ZNF253: variants seen among roughly 807,000 people sequenced by gnomAD.
ZNF253 encodes zinc finger protein 253, also known as DNA-binding protein.
Under a neutral mutation model 11.9 loss-of-function variants are expected in ZNF253, and 8 were observed. The observed-to-expected ratio is 0.67, with a 90% confidence interval of 0.40 to 1.22. The LOEUF is 1.22. ZNF253 is among the 50% of genes most tolerant of loss of function. ZNF253 has a pLI of 0.01. For synonymous variants in ZNF253, 194 were observed against 194.9 expected, an observed-to-expected ratio of 1.00 and a Z score of 0.04; for missense variants, 485 against 586.9, an observed-to-expected ratio of 0.83 and a Z score of 1.79.
chr19:19,868,160 A>T (rs1599548244), intron 1 of ZNF253, among the ~76,000 whole-genome samples: 1 of 151,852 alleles, frequency 6.6e-6, no homozygotes, highest in Non-Finnish European at 1.5e-5. Flanking sequence ...TTACTCTGTT[A>T]ATAGTTTCCT....
intron 3 of ZNF253, among the ~76,000 whole-genome samples, chr19:19,885,342 CT>C (rs1568499254): frequency 1.4e-4 from 9 of 64,476 alleles, no homozygotes; most frequent in Admixed American, 8.7e-4. Context: ...TTCTTTCTTT[CT>C]TTCTTTCTTT....
At chr19:19,866,126 G>C (rs898408208) in intron 1 of ZNF253, 127 bp downstream of exon 1, 1 of 1,305,684 alleles carries the variant, frequency 7.7e-7, no homozygotes, top group Non-Finnish European at 1.1e-6. Flanking sequence ...TCCCTGCCCA[G>C]CTCGGCCTCA....
In ZNF253 at chr19:19,885,218, TC is replaced by T. The variant is rs900331444; in HGVS notation, c.226+5073del. Among the ~76,000 whole-genome samples the T allele has an allele frequency of 4.9e-5, 3 of 61,106 alleles. No individual in the cohort carries two copies. The Admixed American group carries it at 5.2e-4, about 11-fold the overall frequency. The allele number at this position is 61,106 out of a possible 152,430, so 40.1% of individuals were successfully genotyped here. ...CCAATGTCATGTCTTTTTTTTGTAT[TC>T]TTTCTTTCTTTCTTTCTTTCTTTCT... On this transcript the variant is annotated intron_variant, in intron 3 of 3. Coordinates refer to ENST00000589717, the MANE Select transcript of ZNF253 (RefSeq NM_021047.3).
intron 3 of ZNF253, among the ~76,000 whole-genome samples, chr19:19,881,132 A>T (rs1431837540): frequency 6.7e-6 from 1 of 149,438 alleles, no homozygotes; most frequent in East Asian, 2.0e-4. Flanking sequence ...ATTAATATTT[A>T]TTCTTTCAAT....
chr19:19,883,693 A>G (rs915990127), intron 3 of ZNF253, among the ~76,000 whole-genome samples: 2 of 152,124 alleles, frequency 1.3e-5, no homozygotes, highest in African/African-American at 4.8e-5. Context: ...ACAACTGCTC[A>G]TTTTACCCTC....
In ZNF253 at chr19:19,869,690, A is replaced by T. The variant is rs1417725530; in HGVS notation, c.3+3691A>T. 1.1e-4 allele frequency among the ~76,000 whole-genome samples: 12 copies of T among 105,276 alleles called. 2 individuals are homozygous for T. The highest frequency in any genetic ancestry group is 8.1e-4 in the African/African-American group (11 of 13,614). The allele number at this position is 105,276 out of a possible 152,430, so 69.1% of individuals were successfully genotyped here. On this transcript the variant is annotated intron_variant, in intron 1 of 3. Coordinates refer to ENST00000589717, the MANE Select transcript of ZNF253 (RefSeq NM_021047.3). ...TTTTTTTTTTTTTTTTTTTTTTTAA[A>T]AAACAGTCTTACTCTGTTGCCCAGG...
chr19:19,868,271 T>C (rs1314534951), intron 1 of ZNF253, among the ~76,000 whole-genome samples: 1 of 152,094 alleles, frequency 6.6e-6, no homozygotes, highest in Non-Finnish European at 1.5e-5. Flanking sequence ...TTTGCCAGTT[T>C]CTGTGTCTAG....
At position 19,892,230 on chromosome 19, in the gene ZNF253, C is replaced by G; in HGVS notation, c.983C>G (p.Thr328Ser). 2 of 1,613,852 alleles carry G rather than the reference C, an allele frequency of 1.2e-6. No homozygotes were observed. Among genetic ancestry groups the G allele is most frequent in the Non-Finnish European group, 8.5e-7 (1 of 1,179,904 alleles). The stretch of plus-strand genomic sequence containing the variant: ...TCCTTTAAGCACTGCTCTAACCTTA[C>G]TATACATAAGAGAATTCATACAGGA... ...GKSFKHCSNL[T>S]IHKRIHTGEK... The change falls in exon 4 of 4, where the codon ACT (threonine) becomes AGT (serine). Residue 328 changes from threonine (T) to serine (S), a missense_variant. By Grantham distance (58) the Thr-to-Ser change is moderately conservative (BLOSUM62 1). Coordinates refer to ENST00000589717, the MANE Select transcript of ZNF253 (RefSeq NM_021047.3).
At chr19:19,875,488 T>C (rs901985145) in intron 1 of ZNF253, among the ~76,000 whole-genome samples, 24 of 152,066 alleles carry the variant, frequency 1.6e-4, no homozygotes, top group African/African-American at 4.6e-4. Context: ...CTCTGCCTCC[T>C]GGGTTCACGC....
rs2063196099 is a variant in ZNF253 at position 19,885,264 on chromosome 19, T to C, written c.226+5118T>C. 4.5e-5 allele frequency among the ~76,000 whole-genome samples: 3 copies of C among 66,148 alleles called. No homozygotes were observed. In the African/African-American group the frequency reaches 6.6e-4, roughly 15 times the overall value. 43.4% of individuals were successfully genotyped at this position (66,148 alleles called of 152,430 possible). A position where few individuals can be genotyped will look rare whatever the true frequency, so the allele number is the denominator to read the frequency against. ...CTTTCTTTCTTTCTTTCTTTCTTTC[T>C]TTCTTTCTTTCTTTCTTTCTTTCTT... On this transcript the variant is annotated intron_variant, in intron 3 of 3. Transcript: ENST00000589717.
rs75319775 is a variant in ZNF253 at position 19,886,082 on chromosome 19, T to A, written c.227-5392T>A. On this transcript the variant is annotated intron_variant, in intron 3 of 3. Coordinates refer to ENST00000589717, the MANE Select transcript of ZNF253 (RefSeq NM_021047.3). ...ATTTTGGCTCACTGTAGCCTCAGTC[T>A]CCTGGGCTCAAGTGATTCTTTCACA... is the stretch of plus-strand genomic sequence containing the variant. 9.7e-3 allele frequency among the ~76,000 whole-genome samples: 1,482 copies of A among 152,302 alleles called. 10 individuals carry two copies. The highest frequency in any genetic ancestry group is 0.028 in the South Asian group (134 of 4,820).
Position 19,893,169 on chromosome 19 carries a change from G to C in ZNF253, c.*422G>C, listed in dbSNP as rs1045278921. 8.3e-5 allele frequency: 14 copies of C among 167,788 alleles called. No individual in the cohort carries two copies. The highest frequency in any genetic ancestry group is 1.5e-4 in the Non-Finnish European group (12 of 77,662). 10.4% of individuals were successfully genotyped at this position (167,788 alleles called of 1,614,324 possible). ...ATTTTTGGATTTTTAGTAGAGATGGGGTTTCACAATGTTGGCCAGGCTGGT... is the reference window on the plus strand; with the variant it reads ...ATTTTTGGATTTTTAGTAGAGATGGCGTTTCACAATGTTGGCCAGGCTGGT... On this transcript the variant is annotated 3_prime_UTR_variant, in exon 4 of 4. Transcript: ENST00000589717.
chr19:19,885,240 TTTC>T lies in ZNF253; in HGVS notation c.226+5097_226+5099del, dbSNP rs1468250680. Among the ~76,000 whole-genome samples the T allele has an allele frequency of 2.9e-3, 183 of 63,236 alleles. 8 individuals are homozygous for T. The African/African-American group carries it at 0.037, about 13-fold the overall frequency. 41.5% of individuals were successfully genotyped at this position (63,236 alleles called of 152,430 possible). On this transcript the variant is annotated intron_variant, in intron 3 of 3. Coordinates refer to ENST00000589717, the MANE Select transcript of ZNF253 (RefSeq NM_021047.3). The stretch of plus-strand genomic sequence containing the variant: ...TATTCTTTCTTTCTTTCTTTCTTTC[TTTC>T]TTTCTTTCTTTCTTTCTTTCTTTCT...
intron 3 of ZNF253, among the ~76,000 whole-genome samples, chr19:19,883,352 C>T (rs945911980): frequency 1.3e-5 from 2 of 152,034 alleles, no homozygotes; most frequent in African/African-American, 4.8e-5. Flanking sequence ...TGGCTCTCAT[C>T]TGTAATCCCA....
intron 1 of ZNF253, among the ~76,000 whole-genome samples, chr19:19,868,860 T>A (rs1393128811): frequency 6.6e-6 from 1 of 152,132 alleles, no homozygotes; most frequent in Non-Finnish European, 1.5e-5. Context: ...TAAAAAATAT[T>A]TTGATATTCT....
intron 3 of ZNF253, among the ~76,000 whole-genome samples, chr19:19,883,338 GT>G (rs922512461): frequency 1.3e-5 from 2 of 152,054 alleles, no homozygotes; most frequent in African/African-American, 4.8e-5. Flanking sequence ...GCCAAGTGTG[GT>G]TGTGGCTCTC....
rs151122729 is a variant in ZNF253 at position 19,879,405 on chromosome 19, T to C, written c.131-646T>C. Among the ~76,000 whole-genome samples the C allele has an allele frequency of 3.0e-3, 451 of 152,318 alleles. 1 individual carries two copies. The highest frequency in any genetic ancestry group is 5.5e-3 in the Admixed American group (84 of 15,306). On this transcript the variant is annotated intron_variant, in intron 2 of 3. Transcript: ENST00000589717. ...CTTATTTTTTATCATTGTTTATTAATAAAGTAATTCATTATGTTTTTGAAA... is the reference window on the plus strand; with the variant it reads ...CTTATTTTTTATCATTGTTTATTAACAAAGTAATTCATTATGTTTTTGAAA...
intron 2 of ZNF253, among the ~76,000 whole-genome samples, chr19:19,879,058 A>T (rs1031210936): frequency 6.6e-6 from 1 of 152,208 alleles, no homozygotes; most frequent in African/African-American, 2.4e-5. Flanking sequence ...ACTCATTTGC[A>T]GTTTAAAGTC....
intron 1 of ZNF253, among the ~76,000 whole-genome samples, chr19:19,874,989 G>A (rs2063149349): frequency 6.6e-6 from 1 of 152,116 alleles, no homozygotes; most frequent in African/African-American, 2.4e-5. Context: ...AAAACTGGAA[G>A]TACCCTAGTG....
Sources: allele counts gnomAD v4.1 joint callset (sites outside exome capture counted in the v4.1 genomes callset), GRCh38; gene constraint gnomAD v4.1.1; transcripts MANE v1.5; gene names NCBI Gene and HGNC (gene_info 2026-07-23, HGNC 2026-07-21).